The following PTPRT variants were observed in gnomAD, a reference collection of about 807,000 sequenced individuals.
PTPRT encodes the protein protein tyrosine phosphatase receptor type T.
PTPRT carries 56 observed loss-of-function variants against 176.8 expected under a neutral mutation model. The observed-to-expected ratio is 0.32, with a 90% CI of 0.26 to 0.40. PTPRT has a LOEUF of 0.40. PTPRT is among the 10% of genes least tolerant of loss of function. The pLI is 1.00. For synonymous variants in PTPRT, 783 were observed against 739.0 expected (o/e 1.06, Z -0.96); for missense variants, 1,540 against 1,908.2 (o/e 0.81, Z 3.60).
rs200892850 is a variant in PTPRT, at chr20:42,618,389, T to G, written c.1153+59477A>C. 4.0e-4 allele frequency among the ~76,000 whole-genome samples: 54 copies of G among 135,616 alleles called. 2 individuals carry two copies. The highest frequency in any genetic ancestry group is 1.8e-3 in the East Asian group (9 of 5,058). The allele number at this position is 135,616 out of a possible 152,430, so 89.0% of individuals were successfully genotyped here. On this transcript the variant is annotated intron_variant, in intron 7 of 30. Coordinates refer to ENST00000373187, the MANE Select transcript of PTPRT (RefSeq NM_007050.6). Reference sequence around the variant, plus strand: ...TGTGGTCAATTTTGGAATAGGTGTGTTGTGGTGCTGAAAAAAATGTATATT... The same window carrying G: ...TGTGGTCAATTTTGGAATAGGTGTGGTGTGGTGCTGAAAAAAATGTATATT...
In PTPRT at chr20:42,128,766, G is replaced by A. The variant is rs1414763651; in HGVS notation, c.2835C>T (p.Ala945=). ...DGDPHSDYIN[A]NYIDGYHRPR... The stretch of plus-strand genomic sequence containing the variant: ...TTAAGACACTCACGTCAATGTAGTT[G>A]GCATTGATGTAGTCAGAGTGCGGGT... Residue 945 remains alanine (A), a synonymous_variant, in exon 19 of 31, where the codon GCC becomes GCT. Coordinates refer to ENST00000373187, the MANE Select transcript of PTPRT (RefSeq NM_007050.6). The A allele has an allele frequency of 3.1e-6, 5 of 1,601,270 alleles. No homozygotes were observed. The highest frequency in any genetic ancestry group is 4.3e-6 in the Non-Finnish European group (5 of 1,172,754).
chr20:42,930,007 C>T (rs534360987), intron 1 of PTPRT, among the ~76,000 whole-genome samples: 38 of 152,282 alleles, frequency 2.5e-4, no homozygotes, highest in East Asian at 7.7e-4. Flanking sequence ...CCAATTAGGA[C>T]GCCTGGCTGT....
intron 27 of PTPRT, among the ~76,000 whole-genome samples, chr20:42,088,587 T>C (rs1421571207): frequency 2.6e-5 from 4 of 152,254 alleles, no homozygotes; most frequent in Admixed American, 6.5e-5. Flanking sequence ...ATAGCAGCAG[T>C]TGGCATACTA....
chr20:42,793,746 C>T (rs566247914), intron 2 of PTPRT, among the ~76,000 whole-genome samples: 13 of 152,078 alleles, frequency 8.5e-5, no homozygotes, highest in Admixed American at 2.6e-4. Flanking sequence ...GAGATGAGAC[C>T]GAGCCTGCAT....
At position 42,612,517 on chromosome 20, in the gene PTPRT, TTC is replaced by T. The variant is rs144409757; in HGVS notation, c.1153+65347_1153+65348del. ...TCCATGCAGCCATTTCTGAATGCATTTCTGTTTCCATCAAATCCCTCCCCATG... is the reference window on the plus strand; with the variant it reads ...TCCATGCAGCCATTTCTGAATGCATTTGTTTCCATCAAATCCCTCCCCATG... On this transcript the variant is annotated intron_variant, in intron 7 of 30. Transcript: ENST00000373187. 9.7e-3 allele frequency among the ~76,000 whole-genome samples: 1,475 copies of T among 152,266 alleles called. 11 individuals are homozygous for T. Among genetic ancestry groups the T allele is most frequent in the Middle Eastern group, 0.017 (5 of 294 alleles).
intron 9 of PTPRT, among the ~76,000 whole-genome samples, chr20:42,401,469 T>A (rs2058906612): frequency 6.6e-6 from 1 of 152,156 alleles, no homozygotes; most frequent in Non-Finnish European, 1.5e-5. Context: ...ACAGTAATAA[T>A]GTCTGTAAGG....
intron 7 of PTPRT, among the ~76,000 whole-genome samples, chr20:42,596,740 G>A (rs889730874): frequency 8.5e-5 from 13 of 152,172 alleles, no homozygotes; most frequent in African/African-American, 2.7e-4. Context: ...TGAGAAATGT[G>A]CAACCTTACT....
At chr20:42,405,359 C>A (rs1352337713) in intron 9 of PTPRT, among the ~76,000 whole-genome samples, 1 of 152,026 alleles carries the variant, frequency 6.6e-6, no homozygotes, top group African/African-American at 2.4e-5. Context: ...CACCCCACAA[C>A]AGGCCCCGGT....
chr20:42,487,977 T>A (rs747271683), intron 7 of PTPRT, among the ~76,000 whole-genome samples: 1 of 152,232 alleles, frequency 6.6e-6, no homozygotes, highest in Non-Finnish European at 1.5e-5. Flanking sequence ...TTACTATGCA[T>A]GTATTTTTAA....
intron 1 of PTPRT, among the ~76,000 whole-genome samples, chr20:43,012,688 C>G (rs1218535180): frequency 6.6e-6 from 1 of 152,148 alleles, no homozygotes; most frequent in African/African-American, 2.4e-5. Flanking sequence ...GGTGTCTGCT[C>G]AGTTCCCCTT....
chr20:42,435,293 G>A (rs898559045), intron 9 of PTPRT, among the ~76,000 whole-genome samples: 10 of 152,196 alleles, frequency 6.6e-5, no homozygotes, highest in African/African-American at 2.4e-4. Flanking sequence ...GTGAACTGTG[G>A]TCCATGTTAT....
intron 7 of PTPRT, among the ~76,000 whole-genome samples, chr20:42,561,278 A>G (rs2072947397): frequency 6.6e-6 from 1 of 152,200 alleles, no homozygotes; most frequent in Admixed American, 6.5e-5. Context: ...CAAACCTGCA[A>G]TCATTGCCCA....
At chr20:42,999,731 C>T (rs560729669) in intron 1 of PTPRT, among the ~76,000 whole-genome samples, 1 of 151,814 alleles carries the variant, frequency 6.6e-6, no homozygotes, top group Non-Finnish European at 1.5e-5. Flanking sequence ...CACTTGAGCC[C>T]AGGAATTTGT....
chr20:42,704,990 G>A (rs1289891843), intron 6 of PTPRT, among the ~76,000 whole-genome samples: 4 of 152,052 alleles, frequency 2.6e-5, no homozygotes, highest in African/African-American at 9.7e-5. Context: ...CAGATCACCT[G>A]AGGTCGGAAG....
chr20:42,478,771 G>A (rs1300780429), intron 7 of PTPRT, among the ~76,000 whole-genome samples: 1 of 151,874 alleles, frequency 6.6e-6, no homozygotes, highest in Non-Finnish European at 1.5e-5. Flanking sequence ...GTCTCCCATA[G>A]CTCTTATCAG....
At chr20:43,091,785 G>A (rs2011885502) in intron 1 of PTPRT, among the ~76,000 whole-genome samples, 1 of 152,150 alleles carries the variant, frequency 6.6e-6, no homozygotes, top group South Asian at 2.1e-4. Flanking sequence ...GTCCCAGGAG[G>A]AAGGTAGGAG....
intron 9 of PTPRT, among the ~76,000 whole-genome samples, chr20:42,369,032 C>T (rs549124619): frequency 6.6e-6 from 1 of 151,586 alleles, no homozygotes; most frequent in South Asian, 2.1e-4. Context: ...TTCCTTCCTC[C>T]CTTCTTTCTC....
At chr20:43,098,767 G>A (rs1189400556) in intron 1 of PTPRT, among the ~76,000 whole-genome samples, 1 of 152,042 alleles carries the variant, frequency 6.6e-6, no homozygotes, top group Non-Finnish European at 1.5e-5. Flanking sequence ...GTCTACAAAG[G>A]CCATGTTTTA....
At chr20:42,768,276 C>T (rs545527868) in intron 5 of PTPRT, among the ~76,000 whole-genome samples, 1 of 152,238 alleles carries the variant, frequency 6.6e-6, no homozygotes, top group South Asian at 2.1e-4. Context: ...TGGCAGAGAG[C>T]AGGGGACTCT....
Sources: gnomAD v4.1 joint callset for allele counts (sites outside exome capture counted in the v4.1 genomes callset) on GRCh38, gnomAD v4.1.1 for gene constraint, MANE v1.5 for transcripts, NCBI Gene and HGNC (gene_info 2026-07-23, HGNC 2026-07-21) for gene names.